Variants in SPATA24 observed in about 807,000 individuals in gnomAD.
SPATA24 encodes spermatogenesis associated 24, also known as spermatogenesis-associated protein 24.
Under a neutral mutation model 28.9 loss-of-function variants are expected in SPATA24, and 21 were observed. The ratio of observed to expected loss-of-function variants is 0.73; its 90% CI spans 0.52 to 1.05. The LOEUF is 1.05. Among genes scored for constraint, SPATA24 ranks in the 50% least tolerant of loss-of-function variants. The pLI is 0.00. For missense variants in SPATA24, 215 were observed against 242.9 expected, an observed-to-expected ratio of 0.88 and a Z score of 0.76; for synonymous variants, 76 against 89.9, an observed-to-expected ratio of 0.85 and a Z score of 0.88.
intron 4 of SPATA24, among the ~76,000 whole-genome samples, chr5:139,399,170 A>T (rs1334408522): frequency 6.6e-6 from 1 of 152,114 alleles, no homozygotes; most frequent in Admixed American, 6.5e-5. Flanking sequence ...ACAAAAAATT[A>T]GCCAGGTGTG....
At chr5:139,394,215 G>A, downstream of SPATA24, 2 of 1,548,770 alleles carry the variant, frequency 1.3e-6, no homozygotes, top group East Asian at 2.4e-5. Flanking sequence ...CCAGGACCAC[G>A]TGGGTGCTGC....
downstream of SPATA24, chr5:139,392,588 G>T: frequency 7.3e-7 from 1 of 1,366,404 alleles, no homozygotes; most frequent in East Asian, 3.1e-5. This position sits in a 1 kb window ranked among gnomAD's most constrained non-coding sequence, Gnocchi z 5.8. Context: ...AGTGGCGCCT[G>T]GACGGCAGCC....
In SPATA24 at chr5:139,401,758, T is replaced by G. The variant is rs1301666157; in HGVS notation, c.382A>C (p.Asn128His). The G allele has an allele frequency of 1.3e-6, 2 of 1,551,526 alleles. No individual in the cohort carries two copies. The highest frequency in any genetic ancestry group is 2.0e-5 in the Admixed American group (1 of 50,976). ...SKKDQLITKC[N>H]EIESHIIKQE... Reference sequence around the variant, plus strand: ...AGAGCACGGGCCTCCCGCCTACCATTGCACTTGGTGATGAGCTGGTCCTTC... The same window carrying G: ...AGAGCACGGGCCTCCCGCCTACCATGGCACTTGGTGATGAGCTGGTCCTTC... The change falls in exon 4 of 6, where the codon AAT becomes CAT. Residue 128 changes from asparagine (N) to histidine (H), a missense_variant. Physicochemically the swap from Asn to His is moderately conservative, Grantham distance 68. Transcript: ENST00000450845.
At chr5:139,393,606 T>G (rs896542465), downstream of SPATA24, 7 of 1,547,360 alleles carry the variant, frequency 4.5e-6, no homozygotes, top group African/African-American at 9.7e-5. Flanking sequence ...GGCTGCTACG[T>G]GGCTCCACCG....
chr5:139,399,511 C>T (rs751184106), intron 4 of SPATA24, among the ~76,000 whole-genome samples: 4 of 152,158 alleles, frequency 2.6e-5, no homozygotes, highest in Non-Finnish European at 4.4e-5. Flanking sequence ...GACTGTTGAA[C>T]CTCCTTCCCA....
chr5:139,395,196 G>T (rs1325243517), downstream of SPATA24: 4 of 1,105,950 alleles, frequency 3.6e-6, no homozygotes, highest in Non-Finnish European at 3.6e-6. Flanking sequence ...TAAAGCGGCC[G>T]CGTCCACTCC....
chr5:139,399,903 G>C (rs1758787215), intron 4 of SPATA24, among the ~76,000 whole-genome samples: 1 of 152,222 alleles, frequency 6.6e-6, no homozygotes, highest in African/African-American at 2.4e-5. Flanking sequence ...AAATGACCTA[G>C]GGGAAGGAGG....
rs1294719303 is a variant in SPATA24, at chr5:139,397,112, ATCT to A, written c.414_416del (p.Glu138del). The A allele has an allele frequency of 5.2e-6, 8 of 1,552,064 alleles. No individual in the cohort carries two copies. The highest frequency in any genetic ancestry group is 7.0e-6 in the Non-Finnish European group (8 of 1,147,076). On this transcript the variant is annotated inframe_deletion, in exon 5 of 6. Coordinates refer to ENST00000450845, the MANE Select transcript of SPATA24 (RefSeq NM_194296.2). Reference sequence around the variant, plus strand: ...TCTCATTCTCTTTGCCATTAAGTATATCTTCTTGCTTTATAATGTGAGACTCAA... The same window carrying A: ...TCTCATTCTCTTTGCCATTAAGTATATCTTGCTTTATAATGTGAGACTCAA...
downstream of SPATA24, chr5:139,394,439 G>C (rs1224250477): frequency 7.2e-7 from 1 of 1,394,792 alleles, no homozygotes; most frequent in East Asian, 2.9e-5. Flanking sequence ...CTCTGGGGCC[G>C]GGGGCGCAGC....
downstream of SPATA24, chr5:139,395,106 T>C (rs866684680): frequency 2.9e-6 from 4 of 1,386,582 alleles, no homozygotes; most frequent in African/African-American, 6.2e-5. Flanking sequence ...CCGTGCACTA[T>C]CTCCCTCGCA....
At chr5:139,392,536 G>T, downstream of SPATA24, 1 of 1,352,914 alleles carries the variant, frequency 7.4e-7, no homozygotes, top group South Asian at 1.8e-5. The surrounding 1 kb of genome is among the most constrained non-coding windows in gnomAD (Gnocchi z 5.8). Context: ...GCGGGGCTGG[G>T]CTGGGGCCGT....
At chr5:139,395,018 C>A, downstream of SPATA24, 1 of 1,457,414 alleles carries the variant, frequency 6.9e-7, no homozygotes, top group Non-Finnish European at 9.0e-7. Context: ...TGGCGCCGCG[C>A]GGGGGCCGTG....
chr5:139,396,140 G>C, downstream of SPATA24: 1 of 984,046 alleles, frequency 1.0e-6, no homozygotes, highest in Non-Finnish European at 1.2e-6. Context: ...AACCGACCCA[G>C]GACAGGCTAC....
At chr5:139,393,802 C>T (rs1472968606), downstream of SPATA24, 1 of 1,551,392 alleles carries the variant, frequency 6.4e-7, no homozygotes, top group South Asian at 1.2e-5. Flanking sequence ...GAACAATGGG[C>T]TACTCACCCT....
chr5:139,393,607 G>A (rs111342748), downstream of SPATA24: 1 of 1,548,474 alleles, frequency 6.5e-7, no homozygotes, highest in East Asian at 2.5e-5. Flanking sequence ...GCTGCTACGT[G>A]GCTCCACCGC....
chr5:139,397,197 CTGAGA>C, intron 4 of SPATA24, 54 bp from the exon 5 acceptor site: 1 of 1,401,486 alleles, frequency 7.1e-7, no homozygotes, highest in Non-Finnish European at 9.9e-7. Flanking sequence ...GGGCTCCTTC[CTGAGA>C]TAAGGCATTC....
At chr5:139,402,826 G>T in intron 1 of SPATA24, 133 bp from the exon 2 acceptor site, 1 of 687,622 alleles carries the variant, frequency 1.5e-6, no homozygotes, top group South Asian at 1.7e-5. Flanking sequence ...TGGGAAGGGA[G>T]AATTCAGTTC....
chr5:139,395,245 T>G, downstream of SPATA24: 24 of 582,838 alleles, frequency 4.1e-5, no homozygotes, highest in Non-Finnish European at 6.4e-5. Flanking sequence ...ACCTGGGCCC[T>G]GCACCCTTCC....
chr5:139,393,843 C>T, downstream of SPATA24: 1 of 1,551,094 alleles, frequency 6.4e-7, no homozygotes. Flanking sequence ...GGGACAGGTT[C>T]TGGGGCGACG....
Sources: allele counts gnomAD v4.1 joint callset (sites outside exome capture counted in the v4.1 genomes callset), GRCh38; gene constraint gnomAD v4.1.1; non-coding constraint Gnocchi (gnomAD v3.1); transcripts MANE v1.5; gene names NCBI Gene and HGNC (gene_info 2026-07-23, HGNC 2026-07-21).